The following RPH3AL variants were observed in gnomAD, a reference collection of about 807,000 sequenced individuals.
RPH3AL encodes rab effector Noc2.
In RPH3AL, 38 loss-of-function variants were observed where a neutral mutation model predicts 43.1. The observed-to-expected ratio is 0.88, with a 90% CI of 0.68 to 1.15. The LOEUF is 1.15. RPH3AL is among the 50% of genes most tolerant of loss of function. The pLI, the probability that RPH3AL is intolerant of heterozygous loss-of-function variation, is 0.00. For missense variants in RPH3AL, 462 were observed against 423.2 expected (o/e 1.09, Z -0.81); for synonymous variants, 189 against 176.3 (o/e 1.07, Z -0.57).
At chr17:344,852 G>A (rs2045207108) in intron 1 of RPH3AL, among the ~76,000 whole-genome samples, 1 of 136,026 alleles carries the variant, frequency 7.4e-6, no homozygotes, top group Admixed American at 7.1e-5. Flanking sequence ...TCTGTATTGG[G>A]GGAAATGCCC....
At chr17:294,204 G>A (rs2043114791) in intron 5 of RPH3AL, among the ~76,000 whole-genome samples, 1 of 151,986 alleles carries the variant, frequency 6.6e-6, no homozygotes, top group African/African-American at 2.4e-5. Context: ...AGTGCTGATG[G>A]GATGAAGAGA....
chr17:316,755 C>G (rs1311482931), intron 5 of RPH3AL, among the ~76,000 whole-genome samples: 5 of 130,850 alleles, frequency 3.8e-5, no homozygotes, highest in South Asian at 2.5e-4. Context: ...TGTGCCCCAC[C>G]TCCATTGACC....
chr17:270,025 C>A (rs954588248), intron 6 of RPH3AL, among the ~76,000 whole-genome samples: 3 of 152,150 alleles, frequency 2.0e-5, no homozygotes, highest in Admixed American at 6.5e-5. Context: ...GGCCAGGAGG[C>A]TGCACTGATA....
intron 6 of RPH3AL, among the ~76,000 whole-genome samples, chr17:248,242 T>C (rs2041811609): frequency 6.6e-6 from 1 of 152,194 alleles, no homozygotes; most frequent in Non-Finnish European, 1.5e-5. Flanking sequence ...CCTCTTGCCA[T>C]GTTTGTCACT....
At chr17:258,417 T>G (rs2042116556) in intron 6 of RPH3AL, among the ~76,000 whole-genome samples, 1 of 152,200 alleles carries the variant, frequency 6.6e-6, no homozygotes. Flanking sequence ...TCACTCAAGT[T>G]CCTGTAATTA....
At position 322,348 on chromosome 17, in the gene RPH3AL, T is replaced by C. The variant is rs1304809774; in HGVS notation, c.78-933A>G. ...CCTGAGACATTCCGTGCCTGTGACATTGCTGTGTGCAGAGATGAACGAGAC... is the reference window on the plus strand; with the variant it reads ...CCTGAGACATTCCGTGCCTGTGACACTGCTGTGTGCAGAGATGAACGAGAC... On this transcript the variant is annotated intron_variant, in intron 3 of 9. Transcript: ENST00000331302. This position sits in a 1 kb window ranked among gnomAD's most constrained non-coding sequence, Gnocchi z 4.0. 1 of 152,268 alleles carries C rather than the reference T, an allele frequency of 6.6e-6. No individual in the cohort carries two copies. The highest frequency in any genetic ancestry group is 2.4e-5 in the African/African-American group (1 of 41,442). The allele number at this position is 152,268 out of a possible 1,614,324, so 9.4% of individuals were successfully genotyped here.
chr17:337,299 C>T (rs1038242711), intron 1 of RPH3AL, among the ~76,000 whole-genome samples: 1 of 152,078 alleles, frequency 6.6e-6, no homozygotes, highest in African/African-American at 2.4e-5. Flanking sequence ...CAGGGTCTTG[C>T]TCTGTTGTCC....
At chr17:252,657 G>A (rs954099873) in intron 6 of RPH3AL, among the ~76,000 whole-genome samples, 10 of 152,090 alleles carry the variant, frequency 6.6e-5, no homozygotes, top group East Asian at 1.9e-4. Context: ...GGGCAGCGCC[G>A]CAGCCATCAC....
intron 6 of RPH3AL, among the ~76,000 whole-genome samples, chr17:259,286 G>A (rs1417799254): frequency 2.0e-5 from 3 of 152,208 alleles, no homozygotes; most frequent in Non-Finnish European, 4.4e-5. Context: ...CACCCATGCA[G>A]ATGTGCATAA....
rs568520768 is a variant in RPH3AL, at chr17:247,212, C to T, written c.512G>A (p.Arg171Gln). Reference protein sequence around the residue: ...KYILPLKTPGRADDPHFRPLP... With the variant: ...KYILPLKTPGQADDPHFRPLP... ...AGGTCGGAAGTGGGGGTCATCAGCT[C>T]GGCCAGGGGTCTTCAGGGGCAAGAT... Residue 171 changes from arginine (R) to glutamine (Q), a missense_variant, in exon 7 of 10, where the codon CGA becomes CAA. By Grantham distance (43) the Arg-to-Gln change is conservative. Transcript: ENST00000331302. 2.9e-5 allele frequency: 47 copies of T among 1,613,688 alleles called. No individual in the cohort carries two copies. Among genetic ancestry groups the T allele is most frequent in the East Asian group, 1.1e-4 (5 of 44,866 alleles).
intron 7 of RPH3AL, among the ~76,000 whole-genome samples, chr17:236,645 C>T (rs1047989391): frequency 3.3e-5 from 5 of 152,254 alleles, no homozygotes; most frequent in African/African-American, 7.2e-5. Flanking sequence ...GCAGCTCAGC[C>T]GCCCTGTCTG....
At position 328,075 on chromosome 17, in the gene RPH3AL, C is replaced by A. The variant is rs2044659286; in HGVS notation, c.-36-496G>T. 6.6e-6 allele frequency among the ~76,000 whole-genome samples: 1 copy of A among 152,104 alleles called. No individual in the cohort carries two copies. Among genetic ancestry groups the A allele is most frequent in the East Asian group, 1.9e-4 (1 of 5,176 alleles). On this transcript the variant is annotated intron_variant, in intron 2 of 9. Coordinates refer to ENST00000331302, the MANE Select transcript of RPH3AL (RefSeq NM_006987.4). The surrounding 1 kb of genome is among the most constrained non-coding windows in gnomAD (Gnocchi z 4.2). ...CCCAACAGACTCACACCGATGATCA[C>A]AATGCCCTCGAGGGCAGGCAAGAGG...
chr17:297,562 G>A (rs2043214687), intron 5 of RPH3AL, among the ~76,000 whole-genome samples: 1 of 152,218 alleles, frequency 6.6e-6, no homozygotes, highest in African/African-American at 2.4e-5. Context: ...GCGTGGGTGG[G>A]AGAAATCCAC....
At chr17:235,869 C>T (rs1022582696) in intron 7 of RPH3AL, among the ~76,000 whole-genome samples, 3 of 144,290 alleles carry the variant, frequency 2.1e-5, no homozygotes, top group Non-Finnish European at 4.6e-5. Flanking sequence ...AAGCTGGGGT[C>T]GGCCGAGGCT....
chr17:351,192 G>A (rs1226926610), intron 1 of RPH3AL, among the ~76,000 whole-genome samples: 1 of 152,138 alleles, frequency 6.6e-6, no homozygotes, highest in Non-Finnish European at 1.5e-5. Flanking sequence ...GGGTGGCTGG[G>A]TTGCTTGTCC....
intron 5 of RPH3AL, among the ~76,000 whole-genome samples, chr17:309,187 A>G (rs2043572748): frequency 6.6e-6 from 1 of 152,070 alleles, no homozygotes. Flanking sequence ...CCTAGCTCCT[A>G]GGGAGGCCGA....
chr17:244,171 G>A lies in RPH3AL; in HGVS notation c.613+2940C>T, dbSNP rs548091402. Among the ~76,000 whole-genome samples the A allele has an allele frequency of 1.2e-3, 171 of 139,784 alleles. 1 individual carries two copies. The highest frequency in any genetic ancestry group is 4.6e-3 in the African/African-American group (166 of 36,420). The allele number at this position is 139,784 out of a possible 152,430, so 91.7% of individuals were successfully genotyped here. A position where few individuals can be genotyped will look rare whatever the true frequency, so the allele number is the denominator to read the frequency against. The stretch of plus-strand genomic sequence containing the variant: ...CTCTATTGATTACCCTTCCTCTATT[G>A]ATTCCCTTCCTCTATTGATTACCCT... On this transcript the variant is annotated intron_variant, in intron 7 of 9. Coordinates refer to ENST00000331302, the MANE Select transcript of RPH3AL (RefSeq NM_006987.4).
chr17:324,707 GTAC>G (rs2044573648), intron 3 of RPH3AL, among the ~76,000 whole-genome samples: 3 of 130,506 alleles, frequency 2.3e-5, no homozygotes, highest in African/African-American at 9.3e-5. Context: ...AGCTAGCTAT[GTAC>G]CTATCTATCT....
At chr17:273,004 A>AAGGGCTACGTCAGGGAGAGACCCCG (rs1567604554) in intron 6 of RPH3AL, among the ~76,000 whole-genome samples, 1 of 113,768 alleles carries the variant, frequency 8.8e-6, no homozygotes, top group African/African-American at 2.9e-5. Context: ...GTGAGACCCC[A>AAGGGCTACGTCAGGGAGAGACCCCG]GCGAGGGCGA....
Sources: gnomAD v4.1 joint callset for allele counts (sites outside exome capture counted in the v4.1 genomes callset) on GRCh38, gnomAD v4.1.1 for gene constraint, Gnocchi (gnomAD v3.1) non-coding constraint, MANE v1.5 for transcripts, NCBI Gene and HGNC (gene_info 2026-07-23, HGNC 2026-07-21) for gene names.